The following CAPZB variants were observed in gnomAD, a reference collection of about 807,000 sequenced individuals.
CAPZB encodes the protein F-actin-capping protein subunit beta.
CAPZB carries 2 observed loss-of-function variants against 38.1 expected under a neutral mutation model. The ratio of observed to expected loss-of-function variants is 0.05; its 90% CI spans 0.02 to 0.17. The LOEUF (loss-of-function observed/expected upper bound fraction) is 0.17. Among genes scored for constraint, CAPZB ranks in the 10% least tolerant of loss-of-function variants. The pLI is 1.00. For synonymous variants in CAPZB, 107 were observed against 127.4 expected (o/e 0.84, Z 1.08); for missense variants, 161 against 334.2 (o/e 0.48, Z 4.04).
intron 1 of CAPZB, among the ~76,000 whole-genome samples, chr1:19,426,686 C>T (rs1180418177): frequency 2.0e-5 from 3 of 152,188 alleles, no homozygotes; most frequent in East Asian, 3.8e-4. Context: ...GTGCTCCAGG[C>T]TCCCACTGTT....
chr1:19,380,121 G>A lies in CAPZB; in HGVS notation c.216-1468C>T, dbSNP rs377133553. ...CCAGGCACCTACGTCAGTAGATCAT[G>A]GAGTATGGAACCAGAATAAGCTGGG... On this transcript the variant is annotated intron_variant, in intron 3 of 8. Transcript: ENST00000264202. Among the ~76,000 whole-genome samples the A allele has an allele frequency of 8.2e-4, 125 of 152,314 alleles. 1 individual carries two copies. The South Asian group carries it at 0.025, about 30-fold the overall frequency.
At chr1:19,459,649 C>T (rs1206382507) in intron 1 of CAPZB, among the ~76,000 whole-genome samples, 3 of 152,166 alleles carry the variant, frequency 2.0e-5, no homozygotes, top group Non-Finnish European at 1.5e-5. Context: ...TCCACCCTTC[C>T]ACTTGGTTGA....
intron 3 of CAPZB, among the ~76,000 whole-genome samples, chr1:19,383,707 C>T (rs1411287236): frequency 6.6e-6 from 1 of 152,150 alleles, no homozygotes. Context: ...AAACCTCTCT[C>T]CTGGAACTCC....
At chr1:19,351,306 T>C (rs1310996592) in intron 6 of CAPZB, among the ~76,000 whole-genome samples, 1 of 151,602 alleles carries the variant, frequency 6.6e-6, no homozygotes, top group Non-Finnish European at 1.5e-5. Flanking sequence ...TTTAATAAAA[T>C]TTGTTTATTA....
At chr1:19,441,126 C>G (rs142153665) in intron 1 of CAPZB, among the ~76,000 whole-genome samples, 1 of 152,164 alleles carries the variant, frequency 6.6e-6, no homozygotes, top group Admixed American at 6.5e-5. Flanking sequence ...AGAAAGTCCA[C>G]GAAATTTGAA....
intron 6 of CAPZB, among the ~76,000 whole-genome samples, chr1:19,352,703 GCCTC>G: frequency 6.6e-6 from 1 of 152,278 alleles, no homozygotes; most frequent in Non-Finnish European, 1.5e-5. Flanking sequence ...CACTCCGACA[GCCTC>G]ACTGCTGCGG....
In CAPZB at chr1:19,476,201, T is replaced by C. The variant is rs1001797539; in HGVS notation, c.3+9235A>G. Among the ~76,000 whole-genome samples the C allele has an allele frequency of 9.4e-3, 1,296 of 137,764 alleles. 48 individuals carry two copies. In the East Asian group the frequency reaches 0.1, roughly 11 times the overall value. The allele number at this position is 137,764 out of a possible 152,430, so 90.4% of individuals were successfully genotyped here. On this transcript the variant is annotated intron_variant, in intron 1 of 8. Transcript: ENST00000264202. ...ATAGATAGATAGATAGATAGATAGA[T>C]AGATAGATAGATAGATAGATAGATA...
At chr1:19,422,014 C>T (rs1220255557) in intron 1 of CAPZB, among the ~76,000 whole-genome samples, 2 of 152,072 alleles carry the variant, frequency 1.3e-5, no homozygotes, top group East Asian at 3.8e-4. Context: ...TAAACTAGAG[C>T]TAATGTTCAA....
chr1:19,364,918 C>T (rs1042268305), intron 4 of CAPZB, among the ~76,000 whole-genome samples: 1 of 151,888 alleles, frequency 6.6e-6, no homozygotes, highest in African/African-American at 2.4e-5. Context: ...ATGACCATGG[C>T]TCATTGCAGC....
At position 19,339,182 on chromosome 1, in the gene CAPZB, A is replaced by C. The variant is rs1312001887; in HGVS notation, c.*348T>G. 7.1e-6 allele frequency: 2 copies of C among 280,718 alleles called. No homozygotes were observed. Among genetic ancestry groups the C allele is most frequent in the East Asian group, 7.9e-5 (1 of 12,722 alleles). The allele number at this position is 280,718 out of a possible 1,614,324, so 17.4% of individuals were successfully genotyped here. A position where few individuals can be genotyped will look rare whatever the true frequency, so the allele number is the denominator to read the frequency against. On this transcript the variant is annotated 3_prime_UTR_variant, in exon 9 of 9. Coordinates refer to ENST00000264202, the MANE Select transcript of CAPZB (RefSeq NM_004930.5). ...TTTTTTGTTTTACATTTTTTACACC[A>C]ATGTACCAAAAAGGTGGGAGGGAAG...
At chr1:19,400,765 GA>G (rs890628653) in intron 2 of CAPZB, among the ~76,000 whole-genome samples, 12 of 151,802 alleles carry the variant, frequency 7.9e-5, no homozygotes, top group Non-Finnish European at 1.8e-4. Flanking sequence ...GATCTTGTAG[GA>G]AAAAAAATCC....
chr1:19,344,536 G>A (rs2093950260), intron 7 of CAPZB, 102 bp from the exon 8 acceptor site: 1 of 899,758 alleles, frequency 1.1e-6, no homozygotes, highest in Non-Finnish European at 1.9e-6. Flanking sequence ...GTGGCCACTG[G>A]AGGGTGGCAC....
intron 2 of CAPZB, among the ~76,000 whole-genome samples, chr1:19,416,406 T>C (rs979745259): frequency 9.9e-5 from 15 of 152,088 alleles, no homozygotes; most frequent in African/African-American, 3.6e-4. Flanking sequence ...TTCTTCCCCA[T>C]AGAGTCTAAA....
intron 8 of CAPZB, chr1:19,342,921 G>C: frequency 9.7e-7 from 1 of 1,028,032 alleles, no homozygotes; most frequent in Non-Finnish European, 1.5e-6. Flanking sequence ...CGAGAAGCCA[G>C]GAACGCAGGG....
intron 1 of CAPZB, among the ~76,000 whole-genome samples, chr1:19,476,121 C>T (rs984312016): frequency 5.3e-5 from 8 of 151,872 alleles, no homozygotes; most frequent in African/African-American, 1.7e-4. Flanking sequence ...CCCACAAGTT[C>T]GAGACCAGCC....
intron 3 of CAPZB, among the ~76,000 whole-genome samples, chr1:19,381,519 C>T (rs1049035014): frequency 1.3e-5 from 2 of 152,114 alleles, no homozygotes; most frequent in Non-Finnish European, 2.9e-5. Flanking sequence ...CTTCTCCAAA[C>T]CAAGAGATGG....
intron 2 of CAPZB, among the ~76,000 whole-genome samples, chr1:19,390,693 G>C (rs2094229019): frequency 6.6e-6 from 1 of 152,192 alleles, no homozygotes; most frequent in African/African-American, 2.4e-5. Context: ...GACGGGTGGG[G>C]AGTGGGTAAA....
chr1:19,339,773 CAGAA>C (rs1236897772), intron 8 of CAPZB, among the ~76,000 whole-genome samples, 156 bp from the exon 9 acceptor site: 1 of 152,200 alleles, frequency 6.6e-6, no homozygotes, highest in Non-Finnish European at 1.5e-5. Flanking sequence ...CTGCCCCTCT[CAGAA>C]AGGGGCAAAG....
intron 8 of CAPZB, among the ~76,000 whole-genome samples, chr1:19,341,511 A>T (rs1308713836): frequency 6.6e-6 from 1 of 152,180 alleles, no homozygotes; most frequent in Non-Finnish European, 1.5e-5. Context: ...AGGCGGAAGG[A>T]GCAGGGGGCT....
Sources: gnomAD v4.1 joint callset for allele counts (sites outside exome capture counted in the v4.1 genomes callset) on GRCh38, gnomAD v4.1.1 for gene constraint, MANE v1.5 for transcripts, NCBI Gene and HGNC (gene_info 2026-07-23, HGNC 2026-07-21) for gene names.